The following EPB41L2 variants were observed in gnomAD, a reference collection of about 807,000 sequenced individuals.
EPB41L2 encodes band 4.1-like protein 2.
EPB41L2 carries 43 observed loss-of-function variants against 113.0 expected under a neutral mutation model. The ratio of observed to expected loss-of-function variants is 0.38; its 90% CI spans 0.30 to 0.49. The LOEUF is 0.49. Ranked by LOEUF, EPB41L2 falls within the 20% of genes least tolerant of loss-of-function variation. EPB41L2 has a pLI of 0.95. For synonymous variants in EPB41L2, 442 were observed against 436.7 expected, an observed-to-expected ratio of 1.01 and a Z score of -0.15; for missense variants, 1,147 against 1,223.4, an observed-to-expected ratio of 0.94 and a Z score of 0.93.
chr6:131,047,316 C>T (rs181095626), intron 1 of EPB41L2, among the ~76,000 whole-genome samples: 9 of 151,920 alleles, frequency 5.9e-5, no homozygotes, highest in African/African-American at 1.7e-4. Flanking sequence ...CAGTGTACTC[C>T]GGCCCAGACA....
chr6:131,029,015 G>A (rs1469020035), intron 1 of EPB41L2, among the ~76,000 whole-genome samples: 1 of 152,124 alleles, frequency 6.6e-6, no homozygotes, highest in East Asian at 1.9e-4. Flanking sequence ...AAAGAATTCT[G>A]CAAAGCTACC....
intron 14 of EPB41L2, among the ~76,000 whole-genome samples, chr6:130,875,922 T>C (rs1443497206): frequency 1.3e-5 from 2 of 151,004 alleles, no homozygotes; most frequent in African/African-American, 4.9e-5. Flanking sequence ...GAGATGGAGG[T>C]TGCAGTGAGC....
intron 1 of EPB41L2, among the ~76,000 whole-genome samples, chr6:131,006,498 C>T (rs1297834755): frequency 6.6e-6 from 1 of 151,612 alleles, no homozygotes; most frequent in African/African-American, 2.4e-5. Context: ...CCCGTCTCTA[C>T]TAAAAACAAA....
chr6:130,843,289 T>C (rs1187412696), intron 19 of EPB41L2, among the ~76,000 whole-genome samples: 1 of 152,196 alleles, frequency 6.6e-6, no homozygotes, highest in Non-Finnish European at 1.5e-5. Flanking sequence ...CAGGTGTCTG[T>C]GAGAAATAAA....
At chr6:130,957,743 T>C (rs1167160416) in intron 1 of EPB41L2, among the ~76,000 whole-genome samples, 3 of 152,206 alleles carry the variant, frequency 2.0e-5, no homozygotes, top group African/African-American at 7.2e-5. Flanking sequence ...TACCATAAAT[T>C]TCACCCTCTT....
At chr6:130,846,073 T>G (rs900811912) in intron 19 of EPB41L2, among the ~76,000 whole-genome samples, 2 of 152,198 alleles carry the variant, frequency 1.3e-5, no homozygotes, top group African/African-American at 2.4e-5. Flanking sequence ...TTGTTGCCAA[T>G]GATAAAATGC....
intron 1 of EPB41L2, among the ~76,000 whole-genome samples, chr6:131,008,754 T>C (rs1452470809): frequency 6.6e-6 from 1 of 152,242 alleles, no homozygotes; most frequent in Non-Finnish European, 1.5e-5. Flanking sequence ...GAGATCGTTT[T>C]GGAACTTTAA....
At chr6:130,982,014 T>C (rs979373886) in intron 1 of EPB41L2, among the ~76,000 whole-genome samples, 4 of 152,122 alleles carry the variant, frequency 2.6e-5, no homozygotes, top group African/African-American at 7.2e-5. Flanking sequence ...TTTAAAAGTT[T>C]TGATGATTAG....
intron 2 of EPB41L2, among the ~76,000 whole-genome samples, chr6:130,955,542 T>C (rs1184333250): frequency 6.6e-6 from 1 of 152,186 alleles, no homozygotes; most frequent in Non-Finnish European, 1.5e-5. Context: ...ATTAAATGAA[T>C]CAAAGAAACT....
At chr6:130,915,882 T>C (rs1357281533) in intron 4 of EPB41L2, among the ~76,000 whole-genome samples, 1 of 152,196 alleles carries the variant, frequency 6.6e-6, no homozygotes, top group Non-Finnish European at 1.5e-5. Flanking sequence ...TCTGCCATGA[T>C]TGTGAGGCCT....
intron 1 of EPB41L2, among the ~76,000 whole-genome samples, chr6:131,010,414 ATTT>A (rs34144765): frequency 2.1e-5 from 3 of 142,896 alleles, no homozygotes; most frequent in African/African-American, 2.6e-5. Context: ...GAATTAATTA[ATTT>A]TTTTTTTTTT....
chr6:130,859,510 CAA>C (rs780156217), intron 18 of EPB41L2, among the ~76,000 whole-genome samples: 28 of 102,550 alleles, frequency 2.7e-4, no homozygotes, highest in Admixed American at 8.8e-4. Context: ...GACTTTGTCT[CAA>C]AAAAAAAAAA....
intron 1 of EPB41L2, among the ~76,000 whole-genome samples, chr6:131,038,740 G>C (rs1044715147): frequency 1.3e-5 from 2 of 152,070 alleles, no homozygotes; most frequent in African/African-American, 4.8e-5. Flanking sequence ...TTATTAATAT[G>C]GTATGCAGCT....
intron 1 of EPB41L2, among the ~76,000 whole-genome samples, chr6:131,054,360 G>A (rs1457442533): frequency 6.6e-6 from 1 of 152,112 alleles, no homozygotes; most frequent in Non-Finnish European, 1.5e-5. Context: ...GCAAGTTTCT[G>A]CTAGCTTCTG....
intron 1 of EPB41L2, among the ~76,000 whole-genome samples, chr6:130,983,117 C>T (rs1282906358): frequency 1.3e-5 from 2 of 152,188 alleles, no homozygotes; most frequent in African/African-American, 4.8e-5. Context: ...ATCATCAGGA[C>T]TTTATTCAAC....
At chr6:130,906,544 A>C (rs1253412226) in intron 5 of EPB41L2, among the ~76,000 whole-genome samples, 1 of 152,186 alleles carries the variant, frequency 6.6e-6, no homozygotes, top group Non-Finnish European at 1.5e-5. Context: ...CTAGCTGTTT[A>C]TAAACAGTCC....
intron 1 of EPB41L2, among the ~76,000 whole-genome samples, chr6:130,986,673 C>A (rs879377547): frequency 6.6e-6 from 1 of 151,768 alleles, no homozygotes; most frequent in Non-Finnish European, 1.5e-5. Context: ...GCAACCTCCA[C>A]CTCCCAGGTT....
chr6:130,919,501 T>C (rs1402314926), intron 4 of EPB41L2, among the ~76,000 whole-genome samples: 2 of 55,960 alleles, frequency 3.6e-5, no homozygotes, highest in Non-Finnish European at 5.8e-5. Context: ...TTTCTACCCA[T>C]GTATCCCCAC....
chr6:130,877,556 C>T lies in EPB41L2; in HGVS notation c.2043+548G>A, dbSNP rs142131261. On this transcript the variant is annotated intron_variant, in intron 14 of 19. Transcript: ENST00000337057. Reference sequence around the variant, plus strand: ...AGGAGAAATGTTATGATTGAAAAAACGTTTTTAAAACACAATTCTAACATT... The same window carrying T: ...AGGAGAAATGTTATGATTGAAAAAATGTTTTTAAAACACAATTCTAACATT... 7.2e-3 allele frequency among the ~76,000 whole-genome samples: 1,099 copies of T among 152,156 alleles called. 10 individuals carry two copies. The highest frequency in any genetic ancestry group is 9.8e-3 in the Non-Finnish European group (669 of 67,990).
Sources: gnomAD v4.1 joint callset for allele counts (sites outside exome capture counted in the v4.1 genomes callset) on GRCh38, gnomAD v4.1.1 for gene constraint, MANE v1.5 for transcripts, NCBI Gene and HGNC (gene_info 2026-07-23, HGNC 2026-07-21) for gene names.